The following MYO16 variants were observed in gnomAD, a reference collection of about 807,000 sequenced individuals.
MYO16 encodes unconventional myosin-XVI.
A neutral mutation model predicts 205.3 loss-of-function variants in MYO16; 94 were observed. The ratio of observed to expected loss-of-function variants is 0.46; its 90% confidence interval spans 0.39 to 0.54. The LOEUF is 0.54. Ranked by LOEUF, MYO16 falls within the 20% of genes least tolerant of loss-of-function variation. MYO16 has a pLI of 0.00. For missense variants in MYO16, 2,315 were observed against 2,387.5 expected (o/e 0.97, Z 0.63); for synonymous variants, 988 against 954.0 (o/e 1.04, Z -0.66).
At chr13:108,911,526 A>G (rs1414795878) in intron 16 of MYO16, among the ~76,000 whole-genome samples, 3 of 152,182 alleles carry the variant, frequency 2.0e-5, no homozygotes, top group African/African-American at 7.2e-5. Context: ...GAGGGACAAC[A>G]TGAAGGCCAG....
At chr13:109,014,348 A>T (rs887781131) in intron 22 of MYO16, among the ~76,000 whole-genome samples, 1 of 152,170 alleles carries the variant, frequency 6.6e-6, no homozygotes, top group Non-Finnish European at 1.5e-5. Flanking sequence ...TACCAGTACC[A>T]TGCTGTTTTG....
At chr13:108,869,731 TAAAAAAAAAAAAAAAAAA>T (rs68025820) in intron 12 of MYO16, among the ~76,000 whole-genome samples, 6 of 67,028 alleles carry the variant, frequency 9.0e-5, no homozygotes, top group Non-Finnish European at 1.7e-4. Context: ...ACTCCGTTTC[TAAAAAAAAAAAAAAAAAA>T]AAAAAAAAAA....
At chr13:108,830,103 G>T (rs1473394800) in intron 9 of MYO16, among the ~76,000 whole-genome samples, 2,764 of 106,414 alleles carry the variant, frequency 0.026, no homozygotes, top group Non-Finnish European at 0.035. Context: ...TAAAAAGTCA[G>T]GAAACAACAG....
intron 3 of MYO16, among the ~76,000 whole-genome samples, chr13:108,723,674 G>T (rs1010248772): frequency 6.6e-6 from 1 of 151,958 alleles, no homozygotes; most frequent in African/African-American, 2.4e-5. Flanking sequence ...ATGTTTCATT[G>T]ATTAATTTCA....
chr13:108,621,048 C>G (rs1879523543), intron 1 of MYO16, among the ~76,000 whole-genome samples: 2 of 152,094 alleles, frequency 1.3e-5, no homozygotes, highest in African/African-American at 4.8e-5. Flanking sequence ...ATGAAGATAC[C>G]ACACACCTCT....
At chr13:108,640,082 T>G (rs1880434957) in intron 1 of MYO16, among the ~76,000 whole-genome samples, 1 of 152,104 alleles carries the variant, frequency 6.6e-6, no homozygotes, top group Admixed American at 6.5e-5. Flanking sequence ...GCATGGGAGT[T>G]GTTAGCATAC....
At chr13:108,780,351 G>A (rs1411753633) in intron 4 of MYO16, among the ~76,000 whole-genome samples, 1 of 78,308 alleles carries the variant, frequency 1.3e-5, no homozygotes, top group Non-Finnish European at 2.5e-5. Flanking sequence ...AATTACTGAC[G>A]TCTGATTTAA....
intron 22 of MYO16, among the ~76,000 whole-genome samples, chr13:109,009,741 C>T (rs1319148191): frequency 1.3e-5 from 2 of 152,208 alleles, no homozygotes; most frequent in Admixed American, 1.3e-4. Context: ...TCTTTACTCT[C>T]TTTCCATAAA....
chr13:108,986,582 A>G (rs1396977069), intron 20 of MYO16, among the ~76,000 whole-genome samples: 1 of 134,162 alleles, frequency 7.5e-6, no homozygotes, highest in Non-Finnish European at 1.6e-5. Context: ...AGATGGTGCT[A>G]TTGCACTCCA....
chr13:108,549,754 A>C, the MYO16 span, among the ~76,000 whole-genome samples: 2 of 152,140 alleles, frequency 1.3e-5, no homozygotes, highest in African/African-American at 4.8e-5. Context: ...TAATAATATA[A>C]ATAATGAGAA....
At position 109,008,924 on chromosome 13, in the gene MYO16, A is replaced by G. The variant is rs760673355; in HGVS notation, c.2470A>G (p.Met824Val). ...TTGTGTCAACATGACCAATGAGAAGATGCACCACTATATCAATGAAGTGCT... is the reference window on the plus strand; with the variant it reads ...TTGTGTCAACATGACCAATGAGAAGGTGCACCACTATATCAATGAAGTGCT... ...QLCVNMTNEK[M>V]HHYINEVLFL... The change falls in exon 22 of 35, where the codon ATG becomes GTG. Residue 824 changes from methionine (M) to valine (V), a missense_variant. Coordinates refer to ENST00000457511, the MANE Select transcript of MYO16 (RefSeq NM_001198950.3). The G allele has an allele frequency of 6.2e-7, 1 of 1,613,198 alleles. No homozygotes were observed. The highest frequency in any genetic ancestry group is 1.1e-5 in the South Asian group (1 of 90,774).
At chr13:108,797,066 G>A (rs971556008) in intron 6 of MYO16, among the ~76,000 whole-genome samples, 6 of 152,150 alleles carry the variant, frequency 3.9e-5, no homozygotes, top group African/African-American at 1.4e-4. Flanking sequence ...GAATGGTAGT[G>A]CAATTGGACC....
At chr13:108,618,938 A>C (rs1879444502) in intron 1 of MYO16, among the ~76,000 whole-genome samples, 1 of 152,208 alleles carries the variant, frequency 6.6e-6, no homozygotes, top group Non-Finnish European at 1.5e-5. Flanking sequence ...CCACGAGATC[A>C]AAATATGAAA....
At chr13:108,557,908 A>G in the MYO16 span, among the ~76,000 whole-genome samples, 1 of 152,214 alleles carries the variant, frequency 6.6e-6, no homozygotes, top group Non-Finnish European at 1.5e-5. Flanking sequence ...CATTATACAC[A>G]TATAGATAGA....
At chr13:109,107,840 T>TATATTATATTATATTA (rs1889165472) in intron 28 of MYO16, among the ~76,000 whole-genome samples, 2 of 148,578 alleles carry the variant, frequency 1.3e-5, no homozygotes, top group African/African-American at 4.9e-5. Context: ...TATATTATAT[T>TATATTATATTATATTA]ATATGTGTGT....
chr13:108,713,114 TGTA>T (rs1883789084), intron 3 of MYO16, among the ~76,000 whole-genome samples: 1 of 152,166 alleles, frequency 6.6e-6, no homozygotes, highest in South Asian at 2.1e-4. Flanking sequence ...CAGCCTGCCT[TGTA>T]GTATTTTAGA....
At position 109,140,471 on chromosome 13, in the gene MYO16, C is replaced by G. The variant is rs775645929; in HGVS notation, c.4259C>G (p.Pro1420Arg). ...GGGACTCCGCAGTGCGCGCTGCCCCCGGCGGCGCCTCCGGGTGACGAGGAC... is the reference window on the plus strand; with the variant it reads ...GGGACTCCGCAGTGCGCGCTGCCCCGGGCGGCGCCTCCGGGTGACGAGGAC... ...TPGTPQCALP[P>R]AAPPGDEDDS... is the part of the protein sequence containing the mutation. The change falls in exon 32 of 35, where the codon CCG becomes CGG. Residue 1420 changes from proline (P) to arginine (R), a missense_variant. Transcript: ENST00000457511. The surrounding 1 kb of genome is among the most constrained non-coding windows in gnomAD (Gnocchi z 8.0). 1.7e-5 allele frequency: 26 copies of G among 1,537,742 alleles called. No homozygotes were observed. Among genetic ancestry groups the G allele is most frequent in the Non-Finnish European group, 2.2e-5 (25 of 1,150,960 alleles).
chr13:108,983,927 A>T (rs2139420557), intron 20 of MYO16, among the ~76,000 whole-genome samples: 1 of 152,292 alleles, frequency 6.6e-6, no homozygotes. Flanking sequence ...TACTATACTG[A>T]TCTAACATCA....
chr13:108,848,082 C>G (rs1877617877), intron 10 of MYO16, among the ~76,000 whole-genome samples: 1 of 152,052 alleles, frequency 6.6e-6, no homozygotes, highest in East Asian at 1.9e-4. Context: ...CTTACTGAGC[C>G]TCATGTGCAA....
Sources: gnomAD v4.1 joint callset for allele counts (sites outside exome capture counted in the v4.1 genomes callset) on GRCh38, gnomAD v4.1.1 for gene constraint, Gnocchi (gnomAD v3.1) non-coding constraint, MANE v1.5 for transcripts, NCBI Gene and HGNC (gene_info 2026-07-23, HGNC 2026-07-21) for gene names.